Variants in ARK2N observed in about 807,000 individuals in gnomAD.
ARK2N encodes the protein arkadia (RNF111) N-terminal like PKA signaling regulator 2N, also known as protein ARK2N.
the ARK2N span, among the ~76,000 whole-genome samples, chr18:46,208,539 G>A: frequency 6.9e-6 from 1 of 145,902 alleles, no homozygotes; most frequent in East Asian, 2.0e-4. Context: ...GCGTGATCTC[G>A]GCTCACTGCA....
At chr18:46,174,708 G>T in the ARK2N span, among the ~76,000 whole-genome samples, 189 of 152,298 alleles carry the variant, frequency 1.2e-3, 1 homozygote, top group African/African-American at 4.1e-3. Flanking sequence ...CCGGGCTGCG[G>T]GGGGAAGCGA....
chr18:46,259,243 C>CTTTTTTTTTT, the ARK2N span, among the ~76,000 whole-genome samples: 1 of 136,664 alleles, frequency 7.3e-6, no homozygotes, highest in African/African-American at 2.7e-5. Flanking sequence ...TTCTTTCTTT[C>CTTTTTTTTTT]TTTTTTTTTT....
the ARK2N span, among the ~76,000 whole-genome samples, chr18:46,178,509 C>T: frequency 2.6e-5 from 4 of 152,210 alleles, no homozygotes; most frequent in Admixed American, 1.3e-4. Context: ...CAGGGTTTCA[C>T]CATGTTGGCC....
chr18:46,189,297 G>A, the ARK2N span, among the ~76,000 whole-genome samples: 1 of 151,708 alleles, frequency 6.6e-6, no homozygotes, highest in African/African-American at 2.4e-5. Flanking sequence ...TCAAGGCAAG[G>A]AGCTGTTTTG....
At chr18:46,194,512 A>C in the ARK2N span, among the ~76,000 whole-genome samples, 1 of 150,768 alleles carries the variant, frequency 6.6e-6, no homozygotes, top group Non-Finnish European at 1.5e-5. Flanking sequence ...TCGCTGTGTC[A>C]CGCAGGCTGG....
chr18:46,248,785 C>G, the ARK2N span, among the ~76,000 whole-genome samples: 1 of 152,066 alleles, frequency 6.6e-6, no homozygotes, highest in African/African-American at 2.4e-5. Flanking sequence ...GGGTTTCACT[C>G]TGTTGGCTAG....
At chr18:46,216,047 C>A in the ARK2N span, 1 of 1,614,004 alleles carries the variant, frequency 6.2e-7, no homozygotes, top group Non-Finnish European at 8.5e-7. The surrounding 1 kb of genome is among the most constrained non-coding windows in gnomAD (Gnocchi z 4.3). Flanking sequence ...TCTTCAATGC[C>A]CTGCTTGTTG....
the ARK2N span, among the ~76,000 whole-genome samples, chr18:46,179,686 C>T: frequency 2.0e-5 from 3 of 149,316 alleles, no homozygotes; most frequent in Admixed American, 1.4e-4. Flanking sequence ...AGTGCAATGG[C>T]GCCATCTCCG....
the ARK2N span, chr18:46,232,133 C>T: frequency 6.6e-6 from 1 of 152,046 alleles, no homozygotes; most frequent in South Asian, 2.1e-4. Flanking sequence ...TCTTTTTTAA[C>T]CAAAGTACCC....
chr18:46,220,094 G>A, the ARK2N span, among the ~76,000 whole-genome samples: 8 of 152,146 alleles, frequency 5.3e-5, no homozygotes, highest in African/African-American at 1.9e-4. Flanking sequence ...GCTTTATCTT[G>A]TCTTGTCTTT....
At chr18:46,254,982 G>A in the ARK2N span, among the ~76,000 whole-genome samples, 3 of 147,388 alleles carry the variant, frequency 2.0e-5, no homozygotes, top group East Asian at 4.0e-4. Flanking sequence ...TGCCACAAGA[G>A]TGAAGTTGTG....
At chr18:46,246,162 T>C in the ARK2N span, among the ~76,000 whole-genome samples, 1 of 152,210 alleles carries the variant, frequency 6.6e-6, no homozygotes, top group Admixed American at 6.5e-5. Flanking sequence ...AAGAACCTCA[T>C]AGCATCTTTG....
chr18:46,258,177 C>T, the ARK2N span, among the ~76,000 whole-genome samples: 3 of 152,144 alleles, frequency 2.0e-5, no homozygotes, highest in South Asian at 2.1e-4. Flanking sequence ...CTGCCCGCCT[C>T]GGCCTCCCAA....
the ARK2N span, among the ~76,000 whole-genome samples, chr18:46,212,795 A>C: frequency 6.6e-6 from 1 of 152,140 alleles, no homozygotes; most frequent in Non-Finnish European, 1.5e-5. Flanking sequence ...TTATCCACAC[A>C]ACTTATTTCT....
the ARK2N span, among the ~76,000 whole-genome samples, chr18:46,207,891 A>C: frequency 6.6e-6 from 1 of 152,146 alleles, no homozygotes; most frequent in Non-Finnish European, 1.5e-5. Context: ...TGTCCATTCC[A>C]TTGGCCTACC....
the ARK2N span, among the ~76,000 whole-genome samples, chr18:46,261,021 T>C: frequency 1.3e-5 from 2 of 152,228 alleles, no homozygotes; most frequent in African/African-American, 4.8e-5. Flanking sequence ...TTCGGAGATA[T>C]TTTTAGAAAT....
chr18:46,184,645 C>T, the ARK2N span, among the ~76,000 whole-genome samples: 1 of 152,102 alleles, frequency 6.6e-6, no homozygotes, highest in Non-Finnish European at 1.5e-5. Context: ...TCACCTGAGC[C>T]TAGGAAGGTA....
chr18:46,202,865 T>TG, the ARK2N span, among the ~76,000 whole-genome samples: 2 of 151,908 alleles, frequency 1.3e-5, no homozygotes, highest in African/African-American at 4.8e-5. Context: ...TCTTTTCTGT[T>TG]GGAGACTGAA....
chr18:46,198,615 T>G, the ARK2N span, among the ~76,000 whole-genome samples: 1,873 of 152,216 alleles, frequency 0.012, 48 homozygotes, highest in African/African-American at 0.043. Context: ...TTTTTTCTTT[T>G]TTGAGATGGA....
Sources: allele counts gnomAD v4.1 joint callset (sites outside exome capture counted in the v4.1 genomes callset), GRCh38; gene constraint gnomAD v4.1.1; non-coding constraint Gnocchi (gnomAD v3.1); transcripts MANE v1.5; gene names NCBI Gene and HGNC (gene_info 2026-07-23, HGNC 2026-07-21).